CADM2: variants seen among roughly 807,000 people sequenced by gnomAD.
The protein encoded by CADM2 is cell adhesion molecule 2.
In CADM2, 12 loss-of-function variants were observed where a neutral mutation model predicts 49.8. That is an observed-to-expected ratio of 0.24 (90% CI 0.15 to 0.39). The LOEUF is 0.39. CADM2 is among the 10% of genes least tolerant of loss of function. The probability of loss-of-function intolerance (pLI) is 1.00; values close to 1 mark genes in which losing one functional copy is unlikely to be tolerated. For missense variants in CADM2, 378 were observed against 492.3 expected (o/e 0.77, Z 2.20); for synonymous variants, 214 against 175.4 (o/e 1.22, Z -1.74).
intron 1 of CADM2, among the ~76,000 whole-genome samples, chr3:85,646,478 G>A (rs2064890851): frequency 6.6e-6 from 1 of 151,922 alleles, no homozygotes; most frequent in South Asian, 2.1e-4. Context: ...GAACAAAACT[G>A]TGAAACAGGT....
chr3:85,675,783 C>A (rs1219756064), intron 1 of CADM2, among the ~76,000 whole-genome samples: 1 of 152,068 alleles, frequency 6.6e-6, no homozygotes, highest in Non-Finnish European at 1.5e-5. Context: ...AAAGTGTTGT[C>A]TAAATTTTAT....
intron 2 of CADM2, among the ~76,000 whole-genome samples, chr3:85,730,750 A>C (rs1019616465): frequency 9.2e-5 from 14 of 152,208 alleles, no homozygotes; most frequent in Non-Finnish European, 2.1e-4. Flanking sequence ...CCAAAATGTT[A>C]CAATTTTTTA....
chr3:85,711,953 C>G (rs1261766143), intron 1 of CADM2, among the ~76,000 whole-genome samples: 1 of 152,138 alleles, frequency 6.6e-6, no homozygotes, highest in East Asian at 1.9e-4. Context: ...GCTCACTTAC[C>G]TGTAGCGTAG....
At position 85,581,514 on chromosome 3, in the gene CADM2, T is replaced by C. The variant is rs138302354; in HGVS notation, c.62-145008T>C. 2.4e-4 allele frequency among the ~76,000 whole-genome samples: 37 copies of C among 152,190 alleles called. No homozygotes were observed. The East Asian group carries it at 7.0e-3, about 29-fold the overall frequency. On this transcript the variant is annotated intron_variant, in intron 1 of 9. Coordinates refer to ENST00000383699, the MANE Select transcript of CADM2 (RefSeq NM_001167675.2). Reference sequence around the variant, plus strand: ...AAAATGATCTATGAGGAAGAAATCATGCTTCAAGCTATCGAGTCATTTTAA... The same window carrying C: ...AAAATGATCTATGAGGAAGAAATCACGCTTCAAGCTATCGAGTCATTTTAA...
chr3:85,912,481 G>T lies in CADM2; in HGVS notation c.638G>T (p.Arg213Ile). 4 of 1,614,108 alleles carry T rather than the reference G, an allele frequency of 2.5e-6. No individual in the cohort carries two copies. Among genetic ancestry groups the T allele is most frequent in the Non-Finnish European group, 3.4e-6 (4 of 1,179,986 alleles). Residue 213 changes from arginine (R) to isoleucine (I), a missense_variant, in exon 6 of 10, where the codon AGA (arginine) becomes ATA (isoleucine). Coordinates refer to ENST00000383699, the MANE Select transcript of CADM2 (RefSeq NM_001167675.2). ...GATGATGGAGTGGCGGTCATCTGCA[G>T]AGTAGATCACGAATCCCTCAATGCC... is the stretch of plus-strand genomic sequence containing the variant. ...RSDDGVAVIC[R>I]VDHESLNATP... is the part of the protein sequence containing the mutation.
chr3:86,000,888 G>T lies in CADM2; in HGVS notation c.970+39241G>T, dbSNP rs182855634. The stretch of plus-strand genomic sequence containing the variant: ...AGAGAGAGAGGAGAGGTCCTAATTG[G>T]TTTTTTAATAAAATAGAAACATAGA... On this transcript the variant is annotated intron_variant, in intron 8 of 9. Transcript: ENST00000383699. Among the ~76,000 whole-genome samples, 6 of 152,130 alleles carry T rather than the reference G, an allele frequency of 3.9e-5. No individual in the cohort carries two copies. The East Asian group carries it at 7.7e-4, about 20-fold the overall frequency.
At position 85,040,225 on chromosome 3, in the gene CADM2, A is replaced by T. The variant is rs1576094168; in HGVS notation, c.61+80557A>T. On this transcript the variant is annotated intron_variant, in intron 1 of 9. Transcript: ENST00000383699. ...CAAACATTGACTCTAGATTTGAGAA[A>T]CTGAAATCACTAAACCTATAAAGAC... Among the ~76,000 whole-genome samples the T allele has an allele frequency of 2.0e-5, 3 of 152,196 alleles. No homozygotes were observed. In the East Asian group the frequency reaches 5.8e-4, roughly 29 times the overall value.
intron 1 of CADM2, among the ~76,000 whole-genome samples, chr3:85,287,174 G>A (rs976567980): frequency 6.6e-6 from 1 of 152,016 alleles, no homozygotes; most frequent in African/African-American, 2.4e-5. Context: ...AAATCAGCAA[G>A]GAGTTCATTA....
chr3:85,690,750 G>T (rs1206229023), intron 1 of CADM2, among the ~76,000 whole-genome samples: 1 of 152,088 alleles, frequency 6.6e-6, no homozygotes, highest in East Asian at 1.9e-4. Context: ...TTTTAGAAAA[G>T]ACCTTTCTCT....
intron 1 of CADM2, among the ~76,000 whole-genome samples, chr3:85,233,487 T>C (rs1165136884): frequency 1.3e-5 from 2 of 152,166 alleles, no homozygotes; most frequent in African/African-American, 4.8e-5. Flanking sequence ...AGGTGGATTA[T>C]ATGAAACATC....
At chr3:85,550,566 A>G (rs955364367) in intron 1 of CADM2, among the ~76,000 whole-genome samples, 1 of 152,226 alleles carries the variant, frequency 6.6e-6, no homozygotes, top group South Asian at 2.1e-4. Context: ...TGTAGGTAAC[A>G]CAAACTCTTT....
At chr3:85,324,191 C>T (rs2044688639) in intron 1 of CADM2, among the ~76,000 whole-genome samples, 1 of 152,080 alleles carries the variant, frequency 6.6e-6, no homozygotes, top group Non-Finnish European at 1.5e-5. Context: ...TTGTATAAAA[C>T]CTTACTGTTT....
intron 1 of CADM2, among the ~76,000 whole-genome samples, chr3:85,090,455 T>C (rs1036754397): frequency 1.3e-5 from 2 of 152,142 alleles, no homozygotes; most frequent in African/African-American, 4.8e-5. Context: ...ATTTTTAGGG[T>C]CACAAATGAA....
chr3:85,951,584 T>C (rs9784318), intron 7 of CADM2, among the ~76,000 whole-genome samples: 5,047 of 151,046 alleles, frequency 0.033, 279 homozygotes, highest in African/African-American at 0.12. Context: ...GAAATGTGTA[T>C]GTCTAATCAC....
chr3:85,871,620 A>G (rs1399503699), intron 3 of CADM2, among the ~76,000 whole-genome samples: 1 of 152,140 alleles, frequency 6.6e-6, no homozygotes, highest in African/African-American at 2.4e-5. Context: ...TATTGTGAAG[A>G]TAAAAGGTAG....
intron 1 of CADM2, among the ~76,000 whole-genome samples, chr3:85,341,090 C>G (rs1266039806): frequency 6.6e-6 from 1 of 151,600 alleles, no homozygotes; most frequent in Non-Finnish European, 1.5e-5. Context: ...TTCTCTCTTA[C>G]CCCAGTTTTT....
rs1553656735 is a variant in CADM2 at position 85,658,615 on chromosome 3, T to TATATATAC, written c.62-67904_62-67903insTATACATA. ...ATATATATATATATATATATATATATATACATGTATGCATATGTTTGTTTA... is the reference window on the plus strand; with the variant it reads ...ATATATATATATATATATATATATATATATATACATACATGTATGCATATGTTTGTTTA... On this transcript the variant is annotated intron_variant, in intron 1 of 9. Transcript: ENST00000383699. 2.3e-3 allele frequency among the ~76,000 whole-genome samples: 309 copies of TATATATAC among 132,120 alleles called. 1 individual carries two copies. The highest frequency in any genetic ancestry group is 8.5e-3 in the African/African-American group (291 of 34,434). The allele number at this position is 132,120 out of a possible 152,430, so 86.7% of individuals were successfully genotyped here.
intron 1 of CADM2, among the ~76,000 whole-genome samples, chr3:85,711,939 AGCAGC>A (rs1476998330): frequency 6.6e-6 from 1 of 152,204 alleles, no homozygotes; most frequent in African/African-American, 2.4e-5. Flanking sequence ...GTCAAAAGCC[AGCAGC>A]TCACTTACCT....
chr3:85,216,453 G>C (rs2041930309), intron 1 of CADM2, among the ~76,000 whole-genome samples: 1 of 150,600 alleles, frequency 6.6e-6, no homozygotes, highest in Admixed American at 6.6e-5. Flanking sequence ...TGCATAATTT[G>C]AGAACTGTCC....
Sources: gnomAD v4.1 joint callset for allele counts (sites outside exome capture counted in the v4.1 genomes callset) on GRCh38, gnomAD v4.1.1 for gene constraint, MANE v1.5 for transcripts, NCBI Gene and HGNC (gene_info 2026-07-23, HGNC 2026-07-21) for gene names.